The following PTPRT variants were observed in gnomAD, a reference collection of about 807,000 sequenced individuals.
The protein encoded by PTPRT is protein tyrosine phosphatase receptor type T.
PTPRT carries 56 observed loss-of-function variants against 176.8 expected under a neutral mutation model. The observed-to-expected ratio is 0.32, with a 90% CI of 0.26 to 0.40. The LOEUF (loss-of-function observed/expected upper bound fraction) is 0.40. Ranked by LOEUF, PTPRT falls within the 10% of genes least tolerant of loss-of-function variation. PTPRT has a pLI of 1.00. For missense variants in PTPRT, 1,540 were observed against 1,908.2 expected (o/e 0.81, Z 3.60); for synonymous variants, 783 against 739.0 (o/e 1.06, Z -0.96).
intron 15 of PTPRT, among the ~76,000 whole-genome samples, chr20:42,228,731 AT>A (rs1249556833): frequency 6.6e-6 from 1 of 152,198 alleles, no homozygotes; most frequent in Admixed American, 6.5e-5. Flanking sequence ...ATAACCACTC[AT>A]GTATCTTTGT....
At chr20:43,041,664 T>G (rs998717966) in intron 1 of PTPRT, among the ~76,000 whole-genome samples, 1 of 152,352 alleles carries the variant, frequency 6.6e-6, no homozygotes, top group African/African-American at 2.4e-5. Flanking sequence ...CAACCTATGG[T>G]GAGCAAATGT....
At chr20:42,372,960 A>C (rs1401294338) in intron 9 of PTPRT, among the ~76,000 whole-genome samples, 2 of 152,196 alleles carry the variant, frequency 1.3e-5, no homozygotes, top group Non-Finnish European at 2.9e-5. Flanking sequence ...CAGCCACCTG[A>C]ATGGACTAAA....
intron 10 of PTPRT, 128 bp from the exon 11 acceptor site, chr20:42,350,858 A>G: frequency 2.9e-6 from 2 of 696,536 alleles, no homozygotes; most frequent in Non-Finnish European, 4.9e-6. Context: ...GGGGTTGGAT[A>G]AGAAGCCTTC....
At chr20:42,471,396 C>T (rs929324353) in intron 8 of PTPRT, among the ~76,000 whole-genome samples, 5 of 152,068 alleles carry the variant, frequency 3.3e-5, no homozygotes, top group African/African-American at 2.4e-5. Context: ...GTGCTGTCTT[C>T]GCGACAGTGA....
intron 7 of PTPRT, among the ~76,000 whole-genome samples, chr20:42,584,484 T>C (rs549567457): frequency 2.0e-5 from 3 of 152,250 alleles, no homozygotes; most frequent in East Asian, 3.9e-4. Context: ...ATGCAGGCCT[T>C]TGCATACATT....
chr20:42,061,925 G>C, the PTPRT span, among the ~76,000 whole-genome samples: 2 of 152,214 alleles, frequency 1.3e-5, no homozygotes, highest in Non-Finnish European at 2.9e-5. Flanking sequence ...AGTGACATCA[G>C]TTTCTGATGC....
At chr20:42,617,594 T>C (rs1408752064) in intron 7 of PTPRT, among the ~76,000 whole-genome samples, 2 of 137,892 alleles carry the variant, frequency 1.5e-5, no homozygotes, top group Non-Finnish European at 3.0e-5. Flanking sequence ...TGGTAAACTA[T>C]TGATTATTGC....
chr20:42,055,458 G>A, the PTPRT span, among the ~76,000 whole-genome samples: 1 of 152,228 alleles, frequency 6.6e-6, no homozygotes, highest in African/African-American at 2.4e-5. Flanking sequence ...AATGGAGAGA[G>A]GGGGCAGAGC....
intron 7 of PTPRT, among the ~76,000 whole-genome samples, chr20:42,511,351 T>G (rs2071952287): frequency 6.6e-6 from 1 of 152,112 alleles, no homozygotes; most frequent in Admixed American, 6.6e-5. Context: ...CCAAGACTAG[T>G]GTGAGGCAGT....
intron 9 of PTPRT, among the ~76,000 whole-genome samples, chr20:42,379,072 A>T (rs1172322270): frequency 6.6e-6 from 1 of 152,190 alleles, no homozygotes; most frequent in East Asian, 1.9e-4. Context: ...CGTTTTGAAC[A>T]TGTAAGCCTT....
chr20:42,275,331 C>A (rs564793370), intron 13 of PTPRT, among the ~76,000 whole-genome samples: 4 of 152,334 alleles, frequency 2.6e-5, no homozygotes, highest in African/African-American at 7.2e-5. Flanking sequence ...TTCCCGGACT[C>A]CCAATTTTAA....
chr20:42,384,355 G>C (rs991322929), intron 9 of PTPRT, among the ~76,000 whole-genome samples: 1 of 152,192 alleles, frequency 6.6e-6, no homozygotes, highest in African/African-American at 2.4e-5. Context: ...AGTGGGGAAG[G>C]AGGCAAATGT....
At chr20:42,041,803 C>A in the PTPRT span, among the ~76,000 whole-genome samples, 1 of 152,124 alleles carries the variant, frequency 6.6e-6, no homozygotes, top group Non-Finnish European at 1.5e-5. Flanking sequence ...CATAAATGTT[C>A]TTTACTATTA....
intron 7 of PTPRT, among the ~76,000 whole-genome samples, chr20:42,668,782 C>T (rs1399592139): frequency 6.6e-6 from 1 of 151,384 alleles, no homozygotes; most frequent in African/African-American, 2.4e-5. Context: ...AGCTCCGCCT[C>T]CTGGGTTCAC....
At chr20:42,524,473 T>C (rs1375759825) in intron 7 of PTPRT, among the ~76,000 whole-genome samples, 1 of 152,236 alleles carries the variant, frequency 6.6e-6, no homozygotes, top group East Asian at 1.9e-4. Flanking sequence ...GTTTTCTGGC[T>C]TTCATTGCTG....
intron 24 of PTPRT, among the ~76,000 whole-genome samples, chr20:42,106,177 T>G (rs1387590248): frequency 6.6e-6 from 1 of 152,196 alleles, no homozygotes; most frequent in East Asian, 1.9e-4. Flanking sequence ...ATACCGTGAC[T>G]AGAAAGAATG....
At chr20:43,044,872 A>T (rs1238538948) in intron 1 of PTPRT, among the ~76,000 whole-genome samples, 1 of 152,218 alleles carries the variant, frequency 6.6e-6, no homozygotes, top group Admixed American at 6.5e-5. Context: ...TGCAGTGTAA[A>T]GGCTTTTTGC....
intron 9 of PTPRT, among the ~76,000 whole-genome samples, chr20:42,357,847 G>A (rs1007546015): frequency 1.2e-4 from 18 of 152,258 alleles, no homozygotes; most frequent in African/African-American, 3.9e-4. Flanking sequence ...CCTGGAGGTC[G>A]AGGCTGCAGT....
At position 42,710,150 on chromosome 20, in the gene PTPRT, A is replaced by G. The variant is rs74392288; in HGVS notation, c.860-31991T>C. ...ACATTGGAAAATCTGCAGCCTGGCCATATGGGAGAGAAAGAAAGAACTTTT... is the reference window on the plus strand; with the variant it reads ...ACATTGGAAAATCTGCAGCCTGGCCGTATGGGAGAGAAAGAAAGAACTTTT... On this transcript the variant is annotated intron_variant, in intron 6 of 30. Transcript: ENST00000373187. Among the ~76,000 whole-genome samples the G allele has an allele frequency of 4.8e-3, 733 of 152,298 alleles. 10 individuals carry two copies. The highest frequency in any genetic ancestry group is 0.017 in the African/African-American group (688 of 41,542).
Sources: allele counts gnomAD v4.1 joint callset (sites outside exome capture counted in the v4.1 genomes callset), GRCh38; gene constraint gnomAD v4.1.1; transcripts MANE v1.5; gene names NCBI Gene and HGNC (gene_info 2026-07-23, HGNC 2026-07-21).